Variants in HDAC8 observed in about 807,000 individuals in gnomAD.
HDAC8 encodes the protein histone deacetylase-like 1.
A neutral mutation model predicts 32.2 loss-of-function variants in HDAC8; 1 was observed. The ratio of observed to expected loss-of-function variants is 0.03; its 90% confidence interval spans 0.01 to 0.15. The LOEUF is 0.15. Ranked by LOEUF, HDAC8 falls within the 10% of genes least tolerant of loss-of-function variation. The probability of loss-of-function intolerance (pLI) is 1.00; values close to 1 mark genes in which losing one functional copy is unlikely to be tolerated. For synonymous variants in HDAC8, 108 were observed against 113.9 expected (o/e 0.95, Z 0.33); for missense variants, 117 against 300.0 (o/e 0.39, Z 4.51).
intron 8 of HDAC8, among the ~76,000 whole-genome samples, chrX:72,462,979 T>C (rs2047906398): frequency 8.9e-6 from 1 of 111,741 alleles, no homozygotes; most frequent in African/African-American, 3.3e-5. Flanking sequence ...TACACTGGGA[T>C]AACATGTATA....
At chrX:72,487,648 C>T (rs1490851296) in intron 7 of HDAC8, among the ~76,000 whole-genome samples, 1 of 107,602 alleles carries the variant, frequency 9.3e-6, no homozygotes, top group South Asian at 4.2e-4. Context: ...TGAGTGCTGA[C>T]CTTTCAATTA....
rs2048982615 is a variant in HDAC8 at position 72,495,157 on chromosome X, A to G, written c.549T>C (p.Asp183=). Residue 183 remains aspartate (D), a splice_region_variant and synonymous_variant, in exon 5 of 11, where the codon GAT becomes GAC. Transcript: ENST00000373573. ...CATCTTTAAAACCAAAGGGCTTACC[A>G]TCTCCATGGTGCAGATCCAAATCCA... is the stretch of plus-strand genomic sequence containing the variant. The part of the protein sequence containing the change: ...LYVDLDLHHG[D]GVEDAFSFTS... 2.5e-6 allele frequency: 3 copies of G among 1,186,508 alleles called. No individual in the cohort carries two copies. Among genetic ancestry groups the G allele is most frequent in the Non-Finnish European group, 3.4e-6 (3 of 875,400 alleles).
chrX:72,444,742 A>G (rs1245772403), intron 9 of HDAC8, among the ~76,000 whole-genome samples: 2 of 100,003 alleles, frequency 2.0e-5, no homozygotes, highest in Non-Finnish European at 4.0e-5. Flanking sequence ...GAGGAAGTCA[A>G]ATTGTCCCTG....
At chrX:72,550,441 C>T (rs2051025353) in intron 4 of HDAC8, among the ~76,000 whole-genome samples, 1 of 110,589 alleles carries the variant, frequency 9.0e-6, no homozygotes, top group Admixed American at 9.7e-5. Context: ...GAATTTACAT[C>T]CAGGTCTTAC....
chrX:72,516,221 T>C (rs1556024959), intron 4 of HDAC8, among the ~76,000 whole-genome samples: 1 of 111,802 alleles, frequency 8.9e-6, no homozygotes, highest in East Asian at 2.8e-4. Context: ...CGAGACAGAA[T>C]TGTTGCCAAG....
At chrX:72,355,936 G>A (rs1219364858) in intron 9 of HDAC8, among the ~76,000 whole-genome samples, 1 of 111,947 alleles carries the variant, frequency 8.9e-6, no homozygotes, top group African/African-American at 3.2e-5. Context: ...TTTCATAGGA[G>A]GGATTATTAT....
rs181494150 is a variant in HDAC8, at chrX:72,345,882, C to A, written c.1111+5851G>T. On this transcript the variant is annotated intron_variant, in intron 10 of 10. Transcript: ENST00000373573. ...TTTTTTTTGTAGAGATGGGGTTTCACCATGTTGTCCAGGCTGGTCTTGAAC... is the reference window on the plus strand; with the variant it reads ...TTTTTTTTGTAGAGATGGGGTTTCAACATGTTGTCCAGGCTGGTCTTGAAC... 3.9e-3 allele frequency among the ~76,000 whole-genome samples: 428 copies of A among 110,877 alleles called. 4 individuals carry two copies. Among genetic ancestry groups the A allele is most frequent in the African/African-American group, 0.013 (389 of 30,466 alleles).
At chrX:72,560,272 G>C (rs782554480) in intron 4 of HDAC8, among the ~76,000 whole-genome samples, 3 of 109,461 alleles carry the variant, frequency 2.7e-5, no homozygotes, top group African/African-American at 1.0e-4. Flanking sequence ...CCCCAACCCC[G>C]TGCTCTCTGA....
intron 4 of HDAC8, among the ~76,000 whole-genome samples, chrX:72,509,499 G>A (rs183900039): frequency 1.8e-3 from 205 of 111,979 alleles, no homozygotes; most frequent in African/African-American, 6.2e-3. Context: ...ACTGATGGAC[G>A]AGTGAATAAA....
chrX:72,529,918 A>G (rs1410193594), intron 4 of HDAC8, among the ~76,000 whole-genome samples: 1 of 111,045 alleles, frequency 9.0e-6, no homozygotes, highest in East Asian at 2.8e-4. Flanking sequence ...AGTATGTTGC[A>G]CTTTTCCCTT....
At chrX:72,442,976 G>A (rs1204185004) in intron 9 of HDAC8, among the ~76,000 whole-genome samples, 3 of 107,629 alleles carry the variant, frequency 2.8e-5, no homozygotes, top group African/African-American at 1.0e-4. Flanking sequence ...AATTCAACAA[G>A]AAGAGCTAAC....
At chrX:72,404,330 G>A (rs2045981945) in intron 9 of HDAC8, among the ~76,000 whole-genome samples, 1 of 111,473 alleles carries the variant, frequency 9.0e-6, no homozygotes, top group African/African-American at 3.3e-5. Flanking sequence ...AAAGTTTAGA[G>A]TTAATATATT....
At chrX:72,435,436 C>T (rs377540009) in intron 9 of HDAC8, among the ~76,000 whole-genome samples, 2 of 111,474 alleles carry the variant, frequency 1.8e-5, no homozygotes, top group Admixed American at 1.9e-4. Flanking sequence ...AATGTCAACA[C>T]CAAGATGACA....
intron 4 of HDAC8, among the ~76,000 whole-genome samples, chrX:72,509,678 A>G (rs1439230316): frequency 1.8e-5 from 2 of 111,804 alleles, no homozygotes; most frequent in African/African-American, 6.5e-5. Context: ...AGTCAAACTC[A>G]TAGAAGCGAA....
At chrX:72,393,268 G>A (rs1288942266) in intron 9 of HDAC8, among the ~76,000 whole-genome samples, 2 of 111,481 alleles carry the variant, frequency 1.8e-5, no homozygotes, top group African/African-American at 3.3e-5. Context: ...CAACACAAAC[G>A]GAATTGTACA....
At chrX:72,470,409 C>T (rs1555997025) in intron 7 of HDAC8, among the ~76,000 whole-genome samples, 3 of 111,047 alleles carry the variant, frequency 2.7e-5, no homozygotes, top group Admixed American at 1.9e-4. Flanking sequence ...TGTCCTCCAT[C>T]ATATTTCTTC....
chrX:72,372,939 A>G (rs782118124), intron 9 of HDAC8, among the ~76,000 whole-genome samples: 8 of 111,783 alleles, frequency 7.2e-5, no homozygotes, highest in Non-Finnish European at 1.3e-4. Context: ...TTAGTTATTC[A>G]TTCATGTATA....
chrX:72,507,409 T>C (rs2049429782), intron 4 of HDAC8, among the ~76,000 whole-genome samples: 1 of 111,946 alleles, frequency 8.9e-6, no homozygotes, highest in Non-Finnish European at 1.9e-5. Context: ...TTTAAGTTTA[T>C]CTGAGCCCTG....
chrX:72,407,283 G>A (rs2147889179), intron 9 of HDAC8, among the ~76,000 whole-genome samples: 1 of 112,216 alleles, frequency 8.9e-6, no homozygotes, highest in Admixed American at 9.4e-5. Flanking sequence ...TGGGAGGAGT[G>A]TGCACCGGGG....
Sources: gnomAD v4.1 joint callset for allele counts (sites outside exome capture counted in the v4.1 genomes callset) on GRCh38, gnomAD v4.1.1 for gene constraint, MANE v1.5 for transcripts, NCBI Gene and HGNC (gene_info 2026-07-23, HGNC 2026-07-21) for gene names.